SNAPC1: variants seen among roughly 807,000 people sequenced by gnomAD.
SNAPC1 encodes the protein small nuclear RNA activating complex polypeptide 1, also known as snRNA-activating protein complex subunit 1.
SNAPC1 carries 42 observed loss-of-function variants against 50.1 expected under a neutral mutation model. The ratio of observed to expected loss-of-function variants is 0.84; its 90% CI spans 0.65 to 1.08. The LOEUF is 1.08. Among genes scored for constraint, SNAPC1 ranks in the 50% least tolerant of loss-of-function variants. The pLI is 0.00. For missense variants in SNAPC1, 477 were observed against 427.3 expected (o/e 1.12, Z -1.02); for synonymous variants, 164 against 144.2 (o/e 1.14, Z -0.98).
intron 8 of SNAPC1, among the ~76,000 whole-genome samples, chr14:61,789,139 G>A (rs1203527047): frequency 6.6e-6 from 1 of 151,230 alleles, no homozygotes; most frequent in African/African-American, 2.4e-5. Flanking sequence ...TCTGAGGCAG[G>A]AGAATCACTT....
chr14:61,767,919 A>G (rs914168240), intron 3 of SNAPC1, among the ~76,000 whole-genome samples: 1 of 152,276 alleles, frequency 6.6e-6, no homozygotes, highest in Non-Finnish European at 1.5e-5. Context: ...AGCTGGGACT[A>G]CAGGCGCCCT....
intron 4 of SNAPC1, among the ~76,000 whole-genome samples, chr14:61,773,397 GTTTT>G (rs58782943): frequency 2.0e-5 from 2 of 99,324 alleles, no homozygotes; most frequent in Admixed American, 1.2e-4. Flanking sequence ...TATTTCCTTA[GTTTT>G]TTTTTTTTTT....
At chr14:61,794,767 T>G (rs1594654845) in intron 9 of SNAPC1, among the ~76,000 whole-genome samples, 182 bp from the exon 10 acceptor site, 3 of 152,350 alleles carry the variant, frequency 2.0e-5, no homozygotes, top group South Asian at 2.1e-4. Context: ...TATGTCAGGT[T>G]TAAGATTTTT....
rs774253673 is a variant in SNAPC1, at chr14:61,768,702, G to A, written c.496G>A (p.Asp166Asn). ...TACAGAAGAATTTAAGGACCCAAGT[G>A]ATCGTGTGATGAAACTTATCACTTC... Reference protein sequence around the residue: ...EVTEEFKDPSDRVMKLITSDV... With the variant: ...EVTEEFKDPSNRVMKLITSDV... Residue 166 changes from aspartate to asparagine, a missense_variant, in exon 4 of 10, where the codon GAT (aspartate) becomes AAT (asparagine). Asp to Asn is a conservative substitution (Grantham distance 23). Transcript: ENST00000216294. 6.2e-7 allele frequency: 1 copy of A among 1,611,892 alleles called. No homozygotes were observed. The highest frequency in any genetic ancestry group is 1.3e-5 in the African/African-American group (1 of 75,006).
chr14:61,774,316 T>C (rs1352111998), intron 4 of SNAPC1, among the ~76,000 whole-genome samples: 1 of 152,152 alleles, frequency 6.6e-6, no homozygotes, highest in Non-Finnish European at 1.5e-5. Context: ...TAATCTTCTA[T>C]AGTGCTTTAC....
chr14:61,791,186 A>T (rs2140186743), intron 8 of SNAPC1, among the ~76,000 whole-genome samples: 1 of 151,740 alleles, frequency 6.6e-6, no homozygotes, highest in African/African-American at 2.4e-5. Context: ...TAATTTTTGT[A>T]TTTTTAGTAG....
At chr14:61,768,217 A>G (rs2044963017) in intron 3 of SNAPC1, among the ~76,000 whole-genome samples, 1 of 152,218 alleles carries the variant, frequency 6.6e-6, no homozygotes, top group South Asian at 2.1e-4. Context: ...AACAAATTAG[A>G]TTTGGCATCT....
In SNAPC1 at chr14:61,796,310, C is replaced by A. The variant is rs2045189662; in HGVS notation, c.*1327C>A. ...CTCCAGCCTGGGCAACAGAGTGAGA[C>A]TTCGTCTCAAAAAAAAAAAAAAGTT... is the stretch of plus-strand genomic sequence containing the variant. On this transcript the variant is annotated 3_prime_UTR_variant, in exon 10 of 10. Transcript: ENST00000216294. 1 of 147,560 alleles carries A rather than the reference C, an allele frequency of 6.8e-6. No homozygotes were observed. The highest frequency in any genetic ancestry group is 6.7e-5 in the Admixed American group (1 of 14,900). The allele number at this position is 147,560 out of a possible 1,614,324, so 9.1% of individuals were successfully genotyped here.
chr14:61,768,828 C>CTGATTTTTCTAA, intron 4 of SNAPC1, 88 bp downstream of exon 4: 1 of 650,698 alleles, frequency 1.5e-6, no homozygotes, highest in Non-Finnish European at 2.7e-6. Flanking sequence ...CTACTGGATA[C>CTGATTTTTCTAA]TGATTTTTCT....
In SNAPC1 at chr14:61,782,269, G is replaced by A. The variant is rs375863457; in HGVS notation, c.848G>A (p.Arg283His). ...VIQASKSRRH[R>H]QVKLDSSDSD... ...AAGGCATCCAAATCAAGAAGGCATC[G>A]TCAAGTCAAACTCGACTCTTCTGAC... is the stretch of plus-strand genomic sequence containing the variant. Residue 283 changes from arginine to histidine, a missense_variant, in exon 8 of 10, where the codon CGT becomes CAT. Transcript: ENST00000216294. 1.0e-5 allele frequency: 16 copies of A among 1,601,544 alleles called. No individual in the cohort carries two copies. The highest frequency in any genetic ancestry group is 4.0e-5 in the African/African-American group (3 of 74,228).
intron 4 of SNAPC1, among the ~76,000 whole-genome samples, chr14:61,771,110 C>T (rs775128040): frequency 3.3e-5 from 5 of 152,118 alleles, no homozygotes; most frequent in East Asian, 1.9e-4. Context: ...TCATGTCCCC[C>T]AAAAAGGTTA....
chr14:61,783,578 C>G (rs2045093868), intron 8 of SNAPC1, among the ~76,000 whole-genome samples: 1 of 143,268 alleles, frequency 7.0e-6, no homozygotes, highest in Non-Finnish European at 1.5e-5. Context: ...CTGTGTTGCC[C>G]AGGCTGAAGT....
chr14:61,789,792 G>T (rs1185281599), intron 8 of SNAPC1, among the ~76,000 whole-genome samples: 1 of 152,210 alleles, frequency 6.6e-6, no homozygotes, highest in Non-Finnish European at 1.5e-5. Context: ...TTGGTAGGCA[G>T]AGGGGGAGTC....
At chr14:61,778,304 G>A (rs1382319185) in intron 6 of SNAPC1, among the ~76,000 whole-genome samples, 164 bp downstream of exon 6, 2 of 152,234 alleles carry the variant, frequency 1.3e-5, no homozygotes, top group Non-Finnish European at 2.9e-5. Context: ...GCCACATCAG[G>A]TGTAGATTGG....
intron 4 of SNAPC1, among the ~76,000 whole-genome samples, chr14:61,769,315 C>T (rs145303632): frequency 0.13 from 18,972 of 151,182 alleles, 1,411 homozygotes; most frequent in Non-Finnish European, 0.16. Context: ...GAGATCGCAC[C>T]GCTGCACTCC....
intron 9 of SNAPC1, among the ~76,000 whole-genome samples, chr14:61,793,646 T>G (rs1297902512): frequency 7.5e-6 from 1 of 133,430 alleles, no homozygotes; most frequent in African/African-American, 2.7e-5. Flanking sequence ...ATATTTTTTT[T>G]TCTTTTCTTT....
intron 8 of SNAPC1, among the ~76,000 whole-genome samples, chr14:61,783,900 T>C (rs1387967747): frequency 6.6e-6 from 1 of 152,222 alleles, no homozygotes; most frequent in Non-Finnish European, 1.5e-5. Context: ...ATTTGGAATT[T>C]GATTAACAGG....
At chr14:61,767,081 G>A in intron 2 of SNAPC1, 46 bp downstream of exon 2, 1 of 1,282,678 alleles carries the variant, frequency 7.8e-7, no homozygotes, top group Non-Finnish European at 1.0e-6. Flanking sequence ...TGTAAAACAA[G>A]TACCATATTT....
At chr14:61,763,516 C>A (rs2044924705) in intron 1 of SNAPC1, among the ~76,000 whole-genome samples, 1 of 140,618 alleles carries the variant, frequency 7.1e-6, no homozygotes, top group Admixed American at 7.3e-5. Context: ...TCTTTGGGCC[C>A]TCTACAGGCT....
Sources: gnomAD v4.1 joint callset for allele counts (sites outside exome capture counted in the v4.1 genomes callset) on GRCh38, gnomAD v4.1.1 for gene constraint, MANE v1.5 for transcripts, NCBI Gene and HGNC (gene_info 2026-07-23, HGNC 2026-07-21) for gene names.